Variants in LRMDA observed in about 807,000 individuals in gnomAD.
The protein encoded by LRMDA is leucine rich melanocyte differentiation associated, also known as leucine-rich melanocyte differentiation-associated protein.
A neutral mutation model predicts 29.8 loss-of-function variants in LRMDA; 18 were observed. That is an observed-to-expected ratio of 0.60 (90% CI 0.42 to 0.90). The LOEUF is 0.90. Among genes scored for constraint, LRMDA ranks in the 40% least tolerant of loss-of-function variants. The probability of loss-of-function intolerance (pLI) is 0.00; values close to 1 mark genes in which losing one functional copy is unlikely to be tolerated. For synonymous variants in LRMDA, 125 were observed against 109.4 expected, an observed-to-expected ratio of 1.14 and a Z score of -0.89; for missense variants, 273 against 273.9, an observed-to-expected ratio of 1.00 and a Z score of 0.02.
chr10:75,504,768 T>G (rs1845152659), intron 2 of LRMDA, among the ~76,000 whole-genome samples: 1 of 151,994 alleles, frequency 6.6e-6, no homozygotes, highest in Non-Finnish European at 1.5e-5. Flanking sequence ...GAGGGGTAGG[T>G]AGGGATTACC....
chr10:76,012,859 G>A (rs758626146), intron 2 of LRMDA, among the ~76,000 whole-genome samples: 4 of 152,134 alleles, frequency 2.6e-5, no homozygotes, highest in East Asian at 1.9e-4. Flanking sequence ...GGTCAGGAGC[G>A]ATAGTAAAAA....
At chr10:76,144,011 G>A (rs1589347803) in intron 5 of LRMDA, among the ~76,000 whole-genome samples, 1 of 152,230 alleles carries the variant, frequency 6.6e-6, no homozygotes. Context: ...TAGACATGCG[G>A]CATTATTTCT....
At chr10:75,612,783 A>T (rs183540100) in intron 2 of LRMDA, among the ~76,000 whole-genome samples, 2 of 151,748 alleles carry the variant, frequency 1.3e-5, no homozygotes. Context: ...TTGATGCAGA[A>T]CAAGGAAAAA....
intron 2 of LRMDA, among the ~76,000 whole-genome samples, chr10:75,491,441 C>G (rs1844986009): frequency 6.6e-6 from 1 of 152,186 alleles, no homozygotes; most frequent in Non-Finnish European, 1.5e-5. Flanking sequence ...ACTTGTCACC[C>G]ACTGTATGGT....
At chr10:76,313,245 A>G (rs1840651102) in intron 5 of LRMDA, among the ~76,000 whole-genome samples, 1 of 152,220 alleles carries the variant, frequency 6.6e-6, no homozygotes, top group African/African-American at 2.4e-5. Context: ...AAACTTTGTG[A>G]AGATTGAATA....
chr10:75,944,050 T>G (rs1846438880), intron 2 of LRMDA, among the ~76,000 whole-genome samples: 1 of 152,224 alleles, frequency 6.6e-6, no homozygotes, highest in South Asian at 2.1e-4. Flanking sequence ...TCTGGTAATA[T>G]TTCTTTCCAG....
chr10:76,343,813 ATTTT>A (rs5786231), intron 6 of LRMDA, among the ~76,000 whole-genome samples: 2 of 126,634 alleles, frequency 1.6e-5, no homozygotes, highest in African/African-American at 3.0e-5. Flanking sequence ...TTTACAGGTG[ATTTT>A]TTTTTTTTTT....
At chr10:76,523,890 A>G (rs2132364997) in intron 6 of LRMDA, among the ~76,000 whole-genome samples, 1 of 152,324 alleles carries the variant, frequency 6.6e-6, no homozygotes, top group African/African-American at 2.4e-5. Flanking sequence ...ATGCAGCACA[A>G]ATTTCAGAAT....
chr10:75,530,528 G>GT (rs1391143236), intron 2 of LRMDA, among the ~76,000 whole-genome samples: 2 of 152,176 alleles, frequency 1.3e-5, no homozygotes, highest in Non-Finnish European at 2.9e-5. Context: ...CATCCCTGAT[G>GT]TTTCCTGGCT....
chr10:76,076,204 G>T (rs777537576), intron 5 of LRMDA, among the ~76,000 whole-genome samples: 4 of 151,760 alleles, frequency 2.6e-5, no homozygotes, highest in African/African-American at 9.7e-5. Context: ...TTAGCTGGAC[G>T]TGGTGGCGGG....
At chr10:76,063,743 A>G (rs2164368) in intron 5 of LRMDA, among the ~76,000 whole-genome samples, 66,967 of 152,024 alleles carry the variant, frequency 0.44, 15,342 homozygotes, top group Non-Finnish European at 0.46. Context: ...CTGCTCCCAC[A>G]AATACCCTAC....
At chr10:76,416,173 C>T (rs1177577101) in intron 6 of LRMDA, among the ~76,000 whole-genome samples, 1 of 152,168 alleles carries the variant, frequency 6.6e-6, no homozygotes, top group East Asian at 1.9e-4. Flanking sequence ...TATGGCAGAA[C>T]TCTACAAGGC....
intron 2 of LRMDA, among the ~76,000 whole-genome samples, chr10:75,552,723 T>A (rs1185872445): frequency 6.6e-6 from 1 of 152,082 alleles, no homozygotes; most frequent in African/African-American, 2.4e-5. Context: ...TTATACTGTT[T>A]ACTATTATCC....
intron 2 of LRMDA, among the ~76,000 whole-genome samples, chr10:75,604,849 A>G (rs181876095): frequency 6.6e-6 from 1 of 152,328 alleles, no homozygotes; most frequent in East Asian, 1.9e-4. Flanking sequence ...CACTAGTGCC[A>G]ATGAGTTTTC....
intron 2 of LRMDA, among the ~76,000 whole-genome samples, chr10:75,602,483 A>G (rs1840899739): frequency 6.6e-6 from 1 of 152,180 alleles, no homozygotes; most frequent in Admixed American, 6.5e-5. Context: ...AAGGAGCTCA[A>G]TGTTGGATTC....
chr10:75,492,281 A>G (rs1210992261), intron 2 of LRMDA, among the ~76,000 whole-genome samples: 1 of 152,170 alleles, frequency 6.6e-6, no homozygotes, highest in African/African-American at 2.4e-5. Context: ...GCATTCTGTA[A>G]TGAGCCTGCA....
At chr10:76,371,367 T>A (rs1261730453) in intron 6 of LRMDA, among the ~76,000 whole-genome samples, 2 of 152,160 alleles carry the variant, frequency 1.3e-5, no homozygotes, top group Non-Finnish European at 2.9e-5. Flanking sequence ...ATTGGTGCTG[T>A]TAACACAGTA....
chr10:76,491,765 T>C (rs1842835821), intron 6 of LRMDA, among the ~76,000 whole-genome samples: 1 of 152,086 alleles, frequency 6.6e-6, no homozygotes, highest in Non-Finnish European at 1.5e-5. Flanking sequence ...ATAAACTTTC[T>C]ACTCTTGTCT....
chr10:75,717,236 G>A (rs1014236622), intron 2 of LRMDA, among the ~76,000 whole-genome samples: 1 of 152,234 alleles, frequency 6.6e-6, no homozygotes, highest in Admixed American at 6.5e-5. Flanking sequence ...GGCACGTTGA[G>A]AAGATGTGAG....
Sources: allele counts gnomAD v4.1 joint callset (sites outside exome capture counted in the v4.1 genomes callset), GRCh38; gene constraint gnomAD v4.1.1; transcripts MANE v1.5; gene names NCBI Gene and HGNC (gene_info 2026-07-23, HGNC 2026-07-21).